ALPI: variants seen among roughly 807,000 people sequenced by gnomAD.
The protein encoded by ALPI is alkaline phosphatase, intestinal.
ALPI carries 50 observed loss-of-function variants against 51.5 expected under a neutral mutation model. That is an observed-to-expected ratio of 0.97 (90% CI 0.77 to 1.23). The LOEUF (loss-of-function observed/expected upper bound fraction) is 1.23, where lower values mean the gene tolerates loss of function less well. Among genes scored for constraint, ALPI ranks in the 50% most tolerant of loss-of-function variants. ALPI has a pLI of 0.00. For synonymous variants in ALPI, 322 were observed against 308.2 expected (o/e 1.04, Z -0.47); for missense variants, 692 against 722.4 (o/e 0.96, Z 0.48).
At position 232,456,310 on chromosome 2, in the gene ALPI, C is replaced by T; in HGVS notation, c.68-39C>T. On this transcript the variant is annotated intron_variant, in intron 1 of 10. Transcript: ENST00000295463. The surrounding 1 kb of genome is among the most constrained non-coding windows in gnomAD (Gnocchi z 4.2). ...CTGTTCCACACACAGGGCACCCCCT[C>T]AGCCAGGCTGACCTGATCTCTACTC... The T allele has an allele frequency of 6.2e-7, 1 of 1,614,190 alleles. No individual in the cohort carries two copies. The highest frequency in any genetic ancestry group is 8.5e-7 in the Non-Finnish European group (1 of 1,180,034).
In ALPI at chr2:232,456,333, C is replaced by T. The variant is rs745561957; in HGVS notation, c.68-16C>T. 14 of 1,614,046 alleles carry T rather than the reference C, an allele frequency of 8.7e-6. No homozygotes were observed. The highest frequency in any genetic ancestry group is 2.2e-5 in the South Asian group (2 of 91,088). On this transcript the variant is annotated splice_polypyrimidine_tract_variant and intron_variant, in intron 1 of 10. Transcript: ENST00000295463. The surrounding 1 kb of genome is among the most constrained non-coding windows in gnomAD (Gnocchi z 4.2). ...CTCAGCCAGGCTGACCTGATCTCTACTCTCCCCCTGGCCAGCTGAGGAGGA... is the reference window on the plus strand; with the variant it reads ...CTCAGCCAGGCTGACCTGATCTCTATTCTCCCCCTGGCCAGCTGAGGAGGA...
At position 232,459,219 on chromosome 2, in the gene ALPI, T is replaced by G. The variant is rs1436449649; in HGVS notation, c.*73T>G. 4 of 1,473,464 alleles carry G rather than the reference T, an allele frequency of 2.7e-6. No homozygotes were observed. The highest frequency in any genetic ancestry group is 2.7e-6 in the Non-Finnish European group (3 of 1,115,954). 91.3% of individuals were successfully genotyped at this position (1,473,464 alleles called of 1,614,324 possible). ...CCTGTTCCCCGTCCTGAGCCGCCACTTCCAGCGAACACACACAGGTGTCCT... is the reference window on the plus strand; with the variant it reads ...CCTGTTCCCCGTCCTGAGCCGCCACGTCCAGCGAACACACACAGGTGTCCT... On this transcript the variant is annotated 3_prime_UTR_variant, in exon 11 of 11. Transcript: ENST00000295463.
chr2:232,458,672 G>T lies in ALPI; in HGVS notation c.1224G>T (p.Thr408=), dbSNP rs767460621. Residue 408 remains threonine (T), a synonymous_variant, in exon 10 of 11, where the codon ACG becomes ACT. Transcript: ENST00000295463. ...AGGCTCAGGACAGCAAAGCCTACAC[G>T]TCCATCCTGTACGGCAATGGCCCGG... The part of the protein sequence containing the change: ...PSKAQDSKAY[T]SILYGNGPGY... 1.2e-6 allele frequency: 2 copies of T among 1,613,824 alleles called. No homozygotes were observed. The highest frequency in any genetic ancestry group is 1.7e-6 in the Non-Finnish European group (2 of 1,180,034).
chr2:232,459,246 C>A lies in ALPI; in HGVS notation c.*100C>A. ...CCAGCGAACACACACAGGTGTCCTGCCGTTGGACCTTCACCTCCTAGAGAT... is the reference window on the plus strand; with the variant it reads ...CCAGCGAACACACACAGGTGTCCTGACGTTGGACCTTCACCTCCTAGAGAT... On this transcript the variant is annotated 3_prime_UTR_variant, in exon 11 of 11. Transcript: ENST00000295463. The A allele has an allele frequency of 7.1e-7, 1 of 1,412,802 alleles. No homozygotes were observed. Among genetic ancestry groups the A allele is most frequent in the Non-Finnish European group, 9.4e-7 (1 of 1,069,180 alleles). 87.5% of individuals were successfully genotyped at this position (1,412,802 alleles called of 1,614,324 possible).
rs982922378 is a variant in ALPI, at chr2:232,457,937, C to T, written c.857-61C>T. 5 of 1,612,018 alleles carry T rather than the reference C, an allele frequency of 3.1e-6. No individual in the cohort carries two copies. Among genetic ancestry groups the T allele is most frequent in the African/African-American group, 1.3e-5 (1 of 74,990 alleles). On this transcript the variant is annotated intron_variant, in intron 7 of 10. Coordinates refer to ENST00000295463, the MANE Select transcript of ALPI (RefSeq NM_001631.5). This position sits in a 1 kb window ranked among gnomAD's most constrained non-coding sequence, Gnocchi z 4.7. ...AGGGTGCCATCCGAGCCTGTGTGCCCATTTGCCAGCACCCTCCCGCTCACA... is the reference window on the plus strand; with the variant it reads ...AGGGTGCCATCCGAGCCTGTGTGCCTATTTGCCAGCACCCTCCCGCTCACA...
chr2:232,459,685 G>A lies in ALPI; in HGVS notation c.*539G>A, dbSNP rs963715541. The A allele has an allele frequency of 4.5e-5, 7 of 157,258 alleles. No homozygotes were observed. Among genetic ancestry groups the A allele is most frequent in the South Asian group, 2.0e-4 (1 of 4,978 alleles). 9.7% of individuals were successfully genotyped at this position (157,258 alleles called of 1,614,324 possible). On this transcript the variant is annotated 3_prime_UTR_variant, in exon 11 of 11. Coordinates refer to ENST00000295463, the MANE Select transcript of ALPI (RefSeq NM_001631.5). ...GCAACCCTGCAACCCACCCAAGGAG[G>A]CTACTGGATCGGGGATTCCCAGGGG...
chr2:232,456,589 TGCCCACGGTGACA>T lies in ALPI; in HGVS notation c.198_210del (p.Thr67ProfsTer4), dbSNP rs765285295. 4 of 1,612,028 alleles carry T rather than the reference TGCCCACGGTGACA, an allele frequency of 2.5e-6. No individual in the cohort carries two copies. In the Admixed American group the frequency reaches 5.0e-5, roughly 20 times the overall value. ...ATTTCTGCTCCTTCAGGGTTGGGGG[TGCCCACGGTGACA>T]GCCACCAGGATCCTAAAGGGGCAGA... On this transcript the variant is annotated frameshift_variant, in exon 3 of 11. Transcript: ENST00000295463. LOFTEE classifies it high-confidence loss of function. The surrounding 1 kb of genome is among the most constrained non-coding windows in gnomAD (Gnocchi z 4.2).
chr2:232,458,649 G>C lies in ALPI; in HGVS notation c.1201G>C (p.Ala401Pro). ...SSIFGLAPSK[A>P]QDSKAYTSIL... is the part of the protein sequence containing the mutation. ...CCCTACAGGGTTGGCCCCCAGCAAG[G>C]CTCAGGACAGCAAAGCCTACACGTC... The change falls in exon 10 of 11, where the codon GCT becomes CCT. Residue 401 changes from alanine to proline, a missense_variant. Transcript: ENST00000295463. 2.5e-6 allele frequency: 4 copies of C among 1,613,926 alleles called. No homozygotes were observed. The highest frequency in any genetic ancestry group is 1.1e-5 in the South Asian group (1 of 91,076).
At position 232,457,361 on chromosome 2, in the gene ALPI, G is replaced by T; in HGVS notation, c.648+39G>T. Reference sequence around the variant, plus strand: ...GCCAAGGGCTGGGGCTGGGCAGAGGGGAAGGTGGCACAGGCTCAGATCCAG... The same window carrying T: ...GCCAAGGGCTGGGGCTGGGCAGAGGTGAAGGTGGCACAGGCTCAGATCCAG... On this transcript the variant is annotated intron_variant, in intron 5 of 10. Coordinates refer to ENST00000295463, the MANE Select transcript of ALPI (RefSeq NM_001631.5). This position sits in a 1 kb window ranked among gnomAD's most constrained non-coding sequence, Gnocchi z 4.7. The T allele has an allele frequency of 6.4e-7, 1 of 1,574,352 alleles. No homozygotes were observed. The highest frequency in any genetic ancestry group is 1.2e-5 in the South Asian group (1 of 82,778).
rs577156248 is a variant in ALPI at position 232,458,418 on chromosome 2, G to C, written c.1183+10G>C. On this transcript the variant is annotated intron_variant, in intron 9 of 10. Coordinates refer to ENST00000295463, the MANE Select transcript of ALPI (RefSeq NM_001631.5). ...GGGAGCTCCATCTTCGGTAGGCCTG[G>C]GGAGAGTGGCAGGTGCTGCTGCATC... 8 of 1,610,232 alleles carry C rather than the reference G, an allele frequency of 5.0e-6. No individual in the cohort carries two copies. The South Asian group carries it at 6.6e-5, about 13-fold the overall frequency.
At position 232,456,446 on chromosome 2, in the gene ALPI, C is replaced by T; in HGVS notation, c.165C>T (p.Leu55=). 6.2e-7 allele frequency: 1 copy of T among 1,614,070 alleles called. No homozygotes were observed. Among genetic ancestry groups the T allele is most frequent in the South Asian group, 1.1e-5 (1 of 91,074 alleles). Residue 55 remains leucine, a synonymous_variant, in exon 2 of 11, where the codon CTC becomes CTT. Transcript: ENST00000295463. This position sits in a 1 kb window ranked among gnomAD's most constrained non-coding sequence, Gnocchi z 4.2. ...LQPIQKVAKN[L]ILFLGDGLGV... ...CCATCCAGAAGGTCGCCAAGAACCT[C>T]ATCCTCTTCCTGGGCGATGGTGAGT...
chr2:232,457,914 G>A lies in ALPI; in HGVS notation c.856+47G>A. 6.2e-7 allele frequency: 1 copy of A among 1,612,342 alleles called. No individual in the cohort carries two copies. Among genetic ancestry groups the A allele is most frequent in the Non-Finnish European group, 8.5e-7 (1 of 1,179,022 alleles). ...TGGCATTCCTCAGACAACCTCAGAG[G>A]GTGCCATCCGAGCCTGTGTGCCCAT... On this transcript the variant is annotated intron_variant, in intron 7 of 10. Coordinates refer to ENST00000295463, the MANE Select transcript of ALPI (RefSeq NM_001631.5). The surrounding 1 kb of genome is among the most constrained non-coding windows in gnomAD (Gnocchi z 4.7).
At position 232,457,711 on chromosome 2, in the gene ALPI, T is replaced by C. The variant is rs772086633; in HGVS notation, c.783+12T>C. 16 of 1,611,034 alleles carry C rather than the reference T, an allele frequency of 9.9e-6. No homozygotes were observed. The highest frequency in any genetic ancestry group is 1.4e-5 in the Non-Finnish European group (16 of 1,177,956). On this transcript the variant is annotated intron_variant, in intron 6 of 10. Transcript: ENST00000295463. The surrounding 1 kb of genome is among the most constrained non-coding windows in gnomAD (Gnocchi z 4.7). ...TGGCAAAGCACCAGGTGATGGGGGC[T>C]GGTGGGTGTGGGAGGCACGGCAGGG...
Position 232,456,523 on chromosome 2 carries a change from T to C in ALPI, c.185-57T>C. On this transcript the variant is annotated intron_variant, in intron 2 of 10. Coordinates refer to ENST00000295463, the MANE Select transcript of ALPI (RefSeq NM_001631.5). The surrounding 1 kb of genome is among the most constrained non-coding windows in gnomAD (Gnocchi z 4.2). ...CCTCACAGCCCCGGCACCCGGGACC[T>C]TCAGTGGTTCCAGGACAACCCTGGG... 6.2e-7 allele frequency: 1 copy of C among 1,611,224 alleles called. No individual in the cohort carries two copies. The highest frequency in any genetic ancestry group is 8.5e-7 in the Non-Finnish European group (1 of 1,178,568).
Position 232,457,791 on chromosome 2 carries a change from G to A in ALPI, c.784-4G>A, listed in dbSNP as rs1224003339. The A allele has an allele frequency of 6.2e-7, 1 of 1,613,970 alleles. No individual in the cohort carries two copies. Among genetic ancestry groups the A allele is most frequent in the Non-Finnish European group, 8.5e-7 (1 of 1,179,904 alleles). On this transcript the variant is annotated splice_region_variant and splice_polypyrimidine_tract_variant and intron_variant, in intron 6 of 10. Transcript: ENST00000295463. The surrounding 1 kb of genome is among the most constrained non-coding windows in gnomAD (Gnocchi z 4.7). ...TGGGCTGAAGCCTGGCTCTGTCCCT[G>A]CAGGGTGCCTGGTATGTGTGGAACC...
rs145841277 is a variant in ALPI, at chr2:232,456,586, G to A, written c.191G>A (p.Gly64Glu). ...CACATTTCTGCTCCTTCAGGGTTGG[G>A]GGTGCCCACGGTGACAGCCACCAGG... ...NLILFLGDGL[G>E]VPTVTATRIL... Residue 64 changes from glycine to glutamate, a missense_variant, in exon 3 of 11, where the codon GGG (glycine) becomes GAG (glutamate). Coordinates refer to ENST00000295463, the MANE Select transcript of ALPI (RefSeq NM_001631.5). This position sits in a 1 kb window ranked among gnomAD's most constrained non-coding sequence, Gnocchi z 4.2. The A allele has an allele frequency of 8.1e-6, 13 of 1,612,452 alleles. No individual in the cohort carries two copies. Among genetic ancestry groups the A allele is most frequent in the African/African-American group, 4.0e-5 (3 of 74,892 alleles).
In ALPI at chr2:232,457,748, G is replaced by A. The variant is rs199684542; in HGVS notation, c.784-47G>A. On this transcript the variant is annotated intron_variant, in intron 6 of 10. Transcript: ENST00000295463. The surrounding 1 kb of genome is among the most constrained non-coding windows in gnomAD (Gnocchi z 4.7). Reference sequence around the variant, plus strand: ...GAGGCACGGCAGGGGGAGGCCAAGTGTGTGGGTCTCAGGGCTGTGGGCTGA... The same window carrying A: ...GAGGCACGGCAGGGGGAGGCCAAGTATGTGGGTCTCAGGGCTGTGGGCTGA... The A allele has an allele frequency of 4.3e-6, 7 of 1,612,072 alleles. No individual in the cohort carries two copies. Among genetic ancestry groups the A allele is most frequent in the Non-Finnish European group, 5.9e-6 (7 of 1,178,906 alleles).
At position 232,456,656 on chromosome 2, in the gene ALPI, C is replaced by G. The variant is rs1232973132; in HGVS notation, c.261C>G (p.Pro87=). The change falls in exon 3 of 11, where the codon CCC becomes CCG. Residue 87 remains proline (P), a synonymous_variant. Transcript: ENST00000295463. This position sits in a 1 kb window ranked among gnomAD's most constrained non-coding sequence, Gnocchi z 4.2. ...QKNGKLGPET[P]LAMDRFPYLA... ...ATGGCAAACTGGGGCCTGAGACGCC[C>G]CTGGCCATGGACCGCTTCCCATACC... 1.9e-6 allele frequency: 3 copies of G among 1,611,638 alleles called. No homozygotes were observed. Among genetic ancestry groups the G allele is most frequent in the Non-Finnish European group, 2.5e-6 (3 of 1,178,950 alleles).
At position 232,457,963 on chromosome 2, in the gene ALPI, G is replaced by A. The variant is rs1288431949; in HGVS notation, c.857-35G>A. 1.9e-6 allele frequency: 3 copies of A among 1,612,834 alleles called. No individual in the cohort carries two copies. The Admixed American group carries it at 5.0e-5, about 27-fold the overall frequency. The stretch of plus-strand genomic sequence containing the variant: ...ATTTGCCAGCACCCTCCCGCTCACA[G>A]CCTGCCAATCACCACCAAGCTCCTT... On this transcript the variant is annotated intron_variant, in intron 7 of 10. Transcript: ENST00000295463. This position sits in a 1 kb window ranked among gnomAD's most constrained non-coding sequence, Gnocchi z 4.7.
Sources: gnomAD v4.1 joint callset for allele counts on GRCh38, gnomAD v4.1.1 for gene constraint, Gnocchi (gnomAD v3.1) non-coding constraint, MANE v1.5 for transcripts, NCBI Gene and HGNC (gene_info 2026-07-23, HGNC 2026-07-21) for gene names.